The following SEMA3A variants were observed in gnomAD, a reference collection of about 807,000 sequenced individuals.
The protein encoded by SEMA3A is semaphorin 3A, also known as semaphorin-3A.
Under a neutral mutation model 97.9 loss-of-function variants are expected in SEMA3A, and 29 were observed. The observed-to-expected ratio is 0.30, with a 90% CI of 0.22 to 0.40. The LOEUF (loss-of-function observed/expected upper bound fraction) is 0.40. Among genes scored for constraint, SEMA3A ranks in the 10% least tolerant of loss-of-function variants. The pLI, the probability that SEMA3A is intolerant of heterozygous loss-of-function variation, is 1.00. For missense variants in SEMA3A, 763 were observed against 951.3 expected (o/e 0.80, Z 2.60); for synonymous variants, 321 against 323.7 (o/e 0.99, Z 0.09).
At chr7:84,234,505 T>C (rs1401158599) in intron 3 of SEMA3A, among the ~76,000 whole-genome samples, 1 of 152,106 alleles carries the variant, frequency 6.6e-6, no homozygotes, top group Non-Finnish European at 1.5e-5. Flanking sequence ...CTTTTGCTCA[T>C]TGATCTAAAT....
Position 84,134,910 on chromosome 7 carries a change from C to A in SEMA3A, c.154G>T (p.Ala52Ser). 1 of 1,613,804 alleles carries A rather than the reference C, an allele frequency of 6.2e-7. No homozygotes were observed. Residue 52 changes from alanine (A) to serine (S), a missense_variant, in exon 2 of 17, where the codon GCC (alanine) becomes TCC (serine). By Grantham distance (99) the Ala-to-Ser change is moderately conservative. This residue lies in a region of SEMA3A where 85 missense variants were observed against 70.0 expected (regional missense o/e 1.21). Transcript: ENST00000265362. ...AAGGTATGATAACTGGAGCTGTTGG[C>A]CAAGCCATTGAAAGTGATCACATTG... ...SNNVITFNGL[A>S]NSSSYHTFLL... is the part of the protein sequence containing the mutation.
chr7:84,435,566 C>T (rs1283488687), intron 1 of SEMA3A, among the ~76,000 whole-genome samples: 4 of 152,178 alleles, frequency 2.6e-5, no homozygotes, highest in African/African-American at 9.7e-5. Flanking sequence ...CAAGATCGGG[C>T]CAATGCCCTC....
intron 1 of SEMA3A, among the ~76,000 whole-genome samples, chr7:84,397,363 T>C (rs972506661): frequency 4.0e-5 from 6 of 149,832 alleles, no homozygotes; most frequent in Admixed American, 2.0e-4. Context: ...CTCAAATCTA[T>C]GCATTGCCAA....
Position 84,117,826 on chromosome 7 carries a change from A to G in SEMA3A, c.334-7237T>C, listed in dbSNP as rs1795480371. On this transcript the variant is annotated intron_variant, in intron 3 of 16. Transcript: ENST00000265362. The stretch of plus-strand genomic sequence containing the variant: ...GGCATTTTCCATTTGCTGTGTGACT[A>G]TAAGAAAGTTACTTAGAATCTCTGA... Among the ~76,000 whole-genome samples the G allele has an allele frequency of 2.6e-5, 4 of 152,218 alleles. No homozygotes were observed. The South Asian group carries it at 8.3e-4, about 32-fold the overall frequency.
chr7:84,425,876 A>ACACACC (rs1033684340), intron 1 of SEMA3A, among the ~76,000 whole-genome samples: 1 of 81,984 alleles, frequency 1.2e-5, no homozygotes, highest in African/African-American at 8.8e-5. Flanking sequence ...ACACACACAC[A>ACACACC]CCCACACACA....
At chr7:84,202,913 T>A (rs904381567) in intron 3 of SEMA3A, among the ~76,000 whole-genome samples, 1 of 152,200 alleles carries the variant, frequency 6.6e-6, no homozygotes, top group Non-Finnish European at 1.5e-5. Flanking sequence ...ATGTGCTTAA[T>A]TTTTTAATAC....
chr7:84,324,787 G>A (rs1801732460), intron 2 of SEMA3A, among the ~76,000 whole-genome samples: 1 of 151,778 alleles, frequency 6.6e-6, no homozygotes, highest in Non-Finnish European at 1.5e-5. Flanking sequence ...CAATATATAG[G>A]TGAAAATGGA....
At chr7:84,132,151 A>T (rs1178223772) in intron 2 of SEMA3A, among the ~76,000 whole-genome samples, 3 of 152,150 alleles carry the variant, frequency 2.0e-5, no homozygotes, top group Non-Finnish European at 4.4e-5. Flanking sequence ...ATTTGTATAA[A>T]CAATGTGATA....
chr7:84,419,942 T>C (rs944440251), intron 1 of SEMA3A, among the ~76,000 whole-genome samples: 1 of 152,116 alleles, frequency 6.6e-6, no homozygotes, highest in Non-Finnish European at 1.5e-5. Context: ...TCAAGGAAAT[T>C]TCTGCCATGA....
intron 1 of SEMA3A, among the ~76,000 whole-genome samples, chr7:84,179,517 A>G (rs998194384): frequency 5.9e-5 from 9 of 152,180 alleles, no homozygotes; most frequent in African/African-American, 1.7e-4. Context: ...ATATCATAGA[A>G]TAATTAACAA....
chr7:84,329,733 A>AT (rs1801867745), intron 2 of SEMA3A, among the ~76,000 whole-genome samples: 1 of 152,096 alleles, frequency 6.6e-6, no homozygotes, highest in African/African-American at 2.4e-5. Context: ...GCTACATTAT[A>AT]TTTTCTAATT....
chr7:84,278,197 G>A (rs1800357237), intron 3 of SEMA3A, among the ~76,000 whole-genome samples: 1 of 152,050 alleles, frequency 6.6e-6, no homozygotes, highest in African/African-American at 2.4e-5. Flanking sequence ...ATACAGCCAA[G>A]TTTTTTGCTG....
At chr7:84,216,182 C>T (rs998095397) in intron 3 of SEMA3A, among the ~76,000 whole-genome samples, 3 of 152,208 alleles carry the variant, frequency 2.0e-5, no homozygotes, top group Admixed American at 6.5e-5. Flanking sequence ...TCTTTGCTCA[C>T]TGCCACCTCT....
chr7:84,235,856 C>T lies in SEMA3A; in HGVS notation c.-82-41188G>A, dbSNP rs551467710. On this transcript the variant is annotated intron_variant, in intron 3 of 3. Coordinates refer to the SEMA3A transcript ENST00000424555. ...TGCCATTGCATCTCAAGCTCTTTCA[C>T]CAGTTTATTTTCCTTCACTTGGCCC... Among the ~76,000 whole-genome samples the T allele has an allele frequency of 3.3e-5, 5 of 152,222 alleles. No individual in the cohort carries two copies. The South Asian group carries it at 1.0e-3, about 32-fold the overall frequency.
intron 4 of SEMA3A, among the ~76,000 whole-genome samples, chr7:84,083,608 C>T (rs1298425179): frequency 2.0e-5 from 3 of 151,922 alleles, no homozygotes; most frequent in Non-Finnish European, 2.9e-5. Flanking sequence ...TATCTACCTC[C>T]CGACTATTCT....
intron 3 of SEMA3A, among the ~76,000 whole-genome samples, chr7:84,291,271 A>G (rs987222314): frequency 2.6e-5 from 4 of 152,072 alleles, no homozygotes; most frequent in Non-Finnish European, 4.4e-5. Context: ...GTAAAGCATA[A>G]AACAGAATTT....
intron 15 of SEMA3A, among the ~76,000 whole-genome samples, chr7:83,973,046 A>G (rs1405912060): frequency 6.6e-6 from 1 of 152,088 alleles, no homozygotes; most frequent in Admixed American, 6.6e-5. Context: ...TCTTGATCTG[A>G]GTTGAAGTTG....
intron 1 of SEMA3A, among the ~76,000 whole-genome samples, chr7:84,403,282 C>T (rs1185204640): frequency 6.6e-6 from 1 of 152,178 alleles, no homozygotes; most frequent in Admixed American, 6.5e-5. Context: ...CCTACACCCA[C>T]GAAGCCTCGC....
chr7:84,386,541 G>GA (rs1803402343), intron 1 of SEMA3A, among the ~76,000 whole-genome samples: 1 of 152,060 alleles, frequency 6.6e-6, no homozygotes, highest in African/African-American at 2.4e-5. Flanking sequence ...ATGTAGGGGA[G>GA]AAAAATGGAA....
Sources: gnomAD v4.1 joint callset for allele counts (sites outside exome capture counted in the v4.1 genomes callset) on GRCh38, gnomAD v4.1.1 for gene constraint, gnomAD v4.1.1 regional missense constraint, MANE v1.5 for transcripts, NCBI Gene and HGNC (gene_info 2026-07-23, HGNC 2026-07-21) for gene names.